Variants in TBC1D16 observed in about 807,000 individuals in gnomAD.
TBC1D16 encodes the protein TBC1 domain family member 16, also known as CTD-2529O21.1.
In TBC1D16, 58 loss-of-function variants were observed where a neutral mutation model predicts 74.7. That is an observed-to-expected ratio of 0.78 (90% confidence interval 0.63 to 0.97). The LOEUF (loss-of-function observed/expected upper bound fraction) is 0.97, where lower values mean the gene tolerates loss of function less well. Among genes scored for constraint, TBC1D16 ranks in the 50% least tolerant of loss-of-function variants. TBC1D16 has a pLI of 0.00. For synonymous variants in TBC1D16, 493 were observed against 474.7 expected (o/e 1.04, Z -0.50); for missense variants, 1,014 against 1,079.5 (o/e 0.94, Z 0.85).
chr17:79,952,916 C>T, intron 3 of TBC1D16, 98 bp from the exon 4 acceptor site: 2 of 1,431,656 alleles, frequency 1.4e-6, no homozygotes, highest in Non-Finnish European at 1.9e-6. Flanking sequence ...AACCTACGCA[C>T]CAAGCTTAAA....
chr17:79,942,983 C>T (rs905958362), intron 10 of TBC1D16, among the ~76,000 whole-genome samples: 1 of 152,236 alleles, frequency 6.6e-6, no homozygotes, highest in African/African-American at 2.4e-5. Context: ...CTGGCCGCCT[C>T]AAGACACGCC....
intron 9 of TBC1D16, 71 bp from the exon 10 acceptor site, chr17:79,945,158 C>A: frequency 6.8e-7 from 1 of 1,463,056 alleles, no homozygotes; most frequent in East Asian, 2.6e-5. Context: ...AGCCCACTCC[C>A]ACTGGGGCCC....
rs2034845691 is a variant in TBC1D16 at position 79,986,619 on chromosome 17, G to C, written c.779+23541C>G. 6.6e-6 allele frequency among the ~76,000 whole-genome samples: 1 copy of C among 152,200 alleles called. No individual in the cohort carries two copies. Among genetic ancestry groups the C allele is most frequent in the South Asian group, 2.1e-4 (1 of 4,834 alleles). ...GAACGGCAAGGGGTATGTCTGCCCT[G>C]ACAGAGTGACCAGTACCCGCAGCAC... On this transcript the variant is annotated intron_variant, in intron 3 of 11. Coordinates refer to ENST00000310924, the MANE Select transcript of TBC1D16 (RefSeq NM_019020.4). The surrounding 1 kb of genome is among the most constrained non-coding windows in gnomAD (Gnocchi z 6.0).
In TBC1D16 at chr17:79,983,322, G is replaced by C. The variant is rs1340806903; in HGVS notation, c.779+26838C>G. Among the ~76,000 whole-genome samples, 2 of 152,218 alleles carry C rather than the reference G, an allele frequency of 1.3e-5. No homozygotes were observed. Among genetic ancestry groups the C allele is most frequent in the East Asian group, 3.9e-4 (2 of 5,194 alleles). ...CAGGAAATGCAGTCGGTGTGTCTTAGGAGGTTGAGTGCACATTGCAGGGCC... is the reference window on the plus strand; with the variant it reads ...CAGGAAATGCAGTCGGTGTGTCTTACGAGGTTGAGTGCACATTGCAGGGCC... On this transcript the variant is annotated intron_variant, in intron 3 of 11. Coordinates refer to ENST00000310924, the MANE Select transcript of TBC1D16 (RefSeq NM_019020.4). This position sits in a 1 kb window ranked among gnomAD's most constrained non-coding sequence, Gnocchi z 5.6.
chr17:79,949,941 T>C, intron 6 of TBC1D16, 76 bp from the exon 7 acceptor site: 2 of 1,530,662 alleles, frequency 1.3e-6, no homozygotes, highest in South Asian at 1.2e-5. Flanking sequence ...CAGAGATGTG[T>C]GTTTTGGTGG....
intron 1 of TBC1D16, among the ~76,000 whole-genome samples, chr17:80,025,627 GC>G (rs761826014): frequency 7.1e-6 from 1 of 140,506 alleles, no homozygotes; most frequent in Non-Finnish European, 1.5e-5. Context: ...CCTGCCAGGA[GC>G]CCCCCACCCC....
At chr17:79,960,802 A>AAAAAAAAAAAAAAAAAC (rs1568590810) in intron 3 of TBC1D16, among the ~76,000 whole-genome samples, 1 of 148,636 alleles carries the variant, frequency 6.7e-6, no homozygotes. Flanking sequence ...AAAAAAAAAA[A>AAAAAAAAAAAAAAAAAC]AAAAAAACGA....
rs2035810120 is a variant in TBC1D16 at position 80,009,869 on chromosome 17, T to C, written c.779+291A>G. On this transcript the variant is annotated intron_variant, in intron 3 of 11. Coordinates refer to ENST00000310924, the MANE Select transcript of TBC1D16 (RefSeq NM_019020.4). This position sits in a 1 kb window ranked among gnomAD's most constrained non-coding sequence, Gnocchi z 5.4. Reference sequence around the variant, plus strand: ...GGGCTTAGCCTTGGTCATGGGCCCATCAGACCTGGTAGGGCCTGTTTAGTC... The same window carrying C: ...GGGCTTAGCCTTGGTCATGGGCCCACCAGACCTGGTAGGGCCTGTTTAGTC... Among the ~76,000 whole-genome samples the C allele has an allele frequency of 6.6e-6, 1 of 152,144 alleles. No individual in the cohort carries two copies. Among genetic ancestry groups the C allele is most frequent in the Non-Finnish European group, 1.5e-5 (1 of 68,002 alleles).
At chr17:79,951,703 G>A (rs1041143284) in intron 4 of TBC1D16, 106 bp from the exon 5 acceptor site, 20 of 1,356,926 alleles carry the variant, frequency 1.5e-5, no homozygotes, top group Non-Finnish European at 2.0e-5. Flanking sequence ...CTCAGAAGCA[G>A]GAAACAGTGA....
At position 79,981,135 on chromosome 17, in the gene TBC1D16, G is replaced by A. The variant is rs2034561499; in HGVS notation, c.780-28317C>T. Among the ~76,000 whole-genome samples the A allele has an allele frequency of 6.6e-6, 1 of 152,240 alleles. No homozygotes were observed. Among genetic ancestry groups the A allele is most frequent in the South Asian group, 2.1e-4 (1 of 4,826 alleles). ...GCCCCTCGTGGCAGCAGTGACGGAA[G>A]GACAGAACTTGTTTAGGCATCGTTT... On this transcript the variant is annotated intron_variant, in intron 3 of 11. Coordinates refer to ENST00000310924, the MANE Select transcript of TBC1D16 (RefSeq NM_019020.4). This position sits in a 1 kb window ranked among gnomAD's most constrained non-coding sequence, Gnocchi z 6.9.
chr17:79,968,645 A>G (rs2144044070), intron 3 of TBC1D16, among the ~76,000 whole-genome samples: 1 of 151,790 alleles, frequency 6.6e-6, no homozygotes. Flanking sequence ...CGAGGTCAGG[A>G]GATTAAGACC....
chr17:79,942,943 C>G (rs1053759382), intron 10 of TBC1D16, among the ~76,000 whole-genome samples: 3 of 152,256 alleles, frequency 2.0e-5, no homozygotes, highest in Non-Finnish European at 4.4e-5. Flanking sequence ...ACGCCAGGTC[C>G]TGACGGCTGC....
Position 79,948,905 on chromosome 17 carries a change from C to G in TBC1D16, c.1508G>C (p.Arg503Pro), listed in dbSNP as rs181752232. The change falls in exon 8 of 12, where the codon CGG becomes CCG. Residue 503 changes from arginine (R) to proline (P), a missense_variant. Transcript: ENST00000310924. ...CTCCACATTGGGATTGTCTTCCCCC[C>G]GGAAGAACTGGTTGTTCCGATCTGT... is the stretch of plus-strand genomic sequence containing the variant. ...VRTDRNNQFFRGEDNPNVESM... is the reference protein window; with the variant it reads ...VRTDRNNQFFPGEDNPNVESM... 1.2e-5 allele frequency: 19 copies of G among 1,614,114 alleles called. No homozygotes were observed. The highest frequency in any genetic ancestry group is 2.2e-5 in the East Asian group (1 of 44,886).
At chr17:79,970,121 G>A (rs1282074929) in intron 3 of TBC1D16, among the ~76,000 whole-genome samples, 2 of 152,084 alleles carry the variant, frequency 1.3e-5, no homozygotes, top group Non-Finnish European at 1.5e-5. Flanking sequence ...ATGAAGTACC[G>A]GCCTGTTACA....
intron 1 of TBC1D16, among the ~76,000 whole-genome samples, chr17:80,020,568 G>A (rs1246367803): frequency 6.7e-6 from 1 of 149,674 alleles, no homozygotes; most frequent in African/African-American, 2.6e-5. Flanking sequence ...CTGGGAGACA[G>A]AGCGAGACTC....
chr17:79,949,679 G>C (rs894858), intron 7 of TBC1D16, 38 bp downstream of exon 7: 34 of 1,578,228 alleles, frequency 2.2e-5, no homozygotes, highest in Admixed American at 1.6e-4. Context: ...TTTCCTCCGC[G>C]GCTCGGCGGG....
chr17:80,025,606 G>A (rs558300873), intron 1 of TBC1D16, among the ~76,000 whole-genome samples: 12,119 of 144,778 alleles, frequency 0.084, 787 homozygotes, highest in Non-Finnish European at 0.11. Context: ...CCTCCTTGCT[G>A]GAAGCACCCC....
In TBC1D16 at chr17:80,025,509, C is replaced by T. The variant is rs558865848; in HGVS notation, c.-63+10286G>A. The stretch of plus-strand genomic sequence containing the variant: ...GCTGAATAAGGGGCCTGGCAAATGC[C>T]CCCGGAGAGCCCTGGAGAGTTTTGC... On this transcript the variant is annotated intron_variant, in intron 1 of 11. Transcript: ENST00000310924. Among the ~76,000 whole-genome samples the T allele has an allele frequency of 9.9e-4, 148 of 149,660 alleles. 6 individuals carry two copies. The South Asian group carries it at 0.029, about 30-fold the overall frequency.
chr17:80,016,781 C>G (rs78260988), intron 1 of TBC1D16, among the ~76,000 whole-genome samples: 1 of 152,180 alleles, frequency 6.6e-6, no homozygotes, highest in African/African-American at 2.4e-5. Flanking sequence ...TCAGCCTCCC[C>G]CAGCCCTGTT....
Sources: allele counts gnomAD v4.1 joint callset (sites outside exome capture counted in the v4.1 genomes callset), GRCh38; gene constraint gnomAD v4.1.1; non-coding constraint Gnocchi (gnomAD v3.1); transcripts MANE v1.5; gene names NCBI Gene and HGNC (gene_info 2026-07-23, HGNC 2026-07-21).